Variants in UBQLN1 observed in about 807,000 individuals in gnomAD.
The protein encoded by UBQLN1 is ubiquilin-1.
Under a neutral mutation model 65.4 loss-of-function variants are expected in UBQLN1, and 13 were observed. The observed-to-expected ratio is 0.20, with a 90% CI of 0.13 to 0.32. UBQLN1 has a LOEUF of 0.32. Ranked by LOEUF, UBQLN1 falls within the 10% of genes least tolerant of loss-of-function variation. UBQLN1 has a pLI of 1.00. For missense variants in UBQLN1, 561 were observed against 724.0 expected, an observed-to-expected ratio of 0.77 and a Z score of 2.58; for synonymous variants, 267 against 247.8, an observed-to-expected ratio of 1.08 and a Z score of -0.73.
At chr9:83,667,567 A>T (rs1399218052) in intron 7 of UBQLN1, 2 of 985,316 alleles carry the variant, frequency 2.0e-6, no homozygotes, top group African/African-American at 3.5e-5. Context: ...AAGTAAACTC[A>T]TACAGGCTTA....
intron 1 of UBQLN1, among the ~76,000 whole-genome samples, chr9:83,700,536 G>A (rs1832293436): frequency 6.6e-6 from 1 of 152,142 alleles, no homozygotes; most frequent in South Asian, 2.1e-4. Flanking sequence ...TAGTTGTGAT[G>A]AATTCTTATC....
rs1831790062 is a variant in UBQLN1, at chr9:83,674,241, G to A, written c.1105+3486C>T. Among the ~76,000 whole-genome samples the A allele has an allele frequency of 2.0e-5, 3 of 146,542 alleles. No individual in the cohort carries two copies. In the South Asian group the frequency reaches 6.3e-4, roughly 31 times the overall value. On this transcript the variant is annotated intron_variant, in intron 6 of 10. Coordinates refer to ENST00000376395, the MANE Select transcript of UBQLN1 (RefSeq NM_013438.5). ...TCATGCCAGAACAAGAAAAAAGGAA[G>A]AAGGAGAGTTACAAATGTCAGGTTT...
chr9:83,707,483 G>T lies in UBQLN1; in HGVS notation c.180+17C>A. 6.3e-7 allele frequency: 1 copy of T among 1,599,628 alleles called. No homozygotes were observed. The highest frequency in any genetic ancestry group is 1.4e-5 in the African/African-American group (1 of 73,290). On this transcript the variant is annotated intron_variant, in intron 1 of 10. Coordinates refer to ENST00000376395, the MANE Select transcript of UBQLN1 (RefSeq NM_013438.5). ...TGCCGCCACCCCCATCCCGGCCCGA[G>T]CCCCAGGCGGCCTCACCTGCTGGAC...
intron 3 of UBQLN1, 130 bp from the exon 4 acceptor site, chr9:83,680,167 A>G: frequency 2.9e-6 from 3 of 1,017,176 alleles, no homozygotes; most frequent in Non-Finnish European, 4.1e-6. Flanking sequence ...ATTTAAAAAC[A>G]AATCGAATAC....
In UBQLN1 at chr9:83,682,701, TAGTC is replaced by T. The variant is rs1298989730; in HGVS notation, c.448+246_448+249del. ...ATCTTACTCATACTAAATTATGTGGTAGTCAGATCAGGTATACACAAACTACATC... is the reference window on the plus strand; with the variant it reads ...ATCTTACTCATACTAAATTATGTGGTAGATCAGGTATACACAAACTACATC... On this transcript the variant is annotated intron_variant, in intron 3 of 10. Coordinates refer to ENST00000376395, the MANE Select transcript of UBQLN1 (RefSeq NM_013438.5). 8.5e-5 allele frequency among the ~76,000 whole-genome samples: 13 copies of T among 152,260 alleles called. No individual in the cohort carries two copies. The East Asian group carries it at 2.3e-3, about 27-fold the overall frequency.
intron 1 of UBQLN1, among the ~76,000 whole-genome samples, chr9:83,695,911 T>C (rs1400988391): frequency 6.6e-6 from 1 of 152,210 alleles, no homozygotes; most frequent in Non-Finnish European, 1.5e-5. Context: ...CTCAATTTAA[T>C]GGTATTTGTA....
intron 1 of UBQLN1, among the ~76,000 whole-genome samples, chr9:83,692,577 G>C (rs1257045639): frequency 6.6e-6 from 1 of 152,188 alleles, no homozygotes; most frequent in Non-Finnish European, 1.5e-5. Flanking sequence ...TTTCGGCCAG[G>C]CGCAGTGGCT....
At position 83,676,571 on chromosome 9, in the gene UBQLN1, T is replaced by A. The variant is rs543147865; in HGVS notation, c.1105+1156A>T. ...GATTTAAAAATGGTATTACTTCAGG[T>A]TTTACAAAACCTATATTATAAACAT... On this transcript the variant is annotated intron_variant, in intron 6 of 10. Coordinates refer to ENST00000376395, the MANE Select transcript of UBQLN1 (RefSeq NM_013438.5). Among the ~76,000 whole-genome samples the A allele has an allele frequency of 1.3e-4, 20 of 152,282 alleles. No homozygotes were observed. The South Asian group carries it at 4.1e-3, about 32-fold the overall frequency.
intron 1 of UBQLN1, among the ~76,000 whole-genome samples, chr9:83,704,382 G>A (rs1034591561): frequency 6.6e-6 from 1 of 152,052 alleles, no homozygotes; most frequent in Non-Finnish European, 1.5e-5. Context: ...CATATACAAA[G>A]CCCAACTTGT....
At chr9:83,667,888 A>T in intron 7 of UBQLN1, 1 of 976,306 alleles carries the variant, frequency 1.0e-6, no homozygotes. Context: ...AATAAAAGAC[A>T]TGCCAATCTA....
intron 7 of UBQLN1, chr9:83,668,868 ATTAAGTAGTTTATCT>A: frequency 4.2e-6 from 1 of 240,526 alleles, no homozygotes; most frequent in Non-Finnish European, 7.3e-6. Flanking sequence ...TTTACATTTC[ATTAAGTAGTTTATCT>A]TCAAAAGAGT....
intron 7 of UBQLN1, chr9:83,668,455 T>A (rs922594123): frequency 1.0e-6 from 1 of 985,234 alleles, no homozygotes; most frequent in East Asian, 1.1e-4. Context: ...TTTCAAGCCC[T>A]GTGGTATGGA....
chr9:83,667,933 AGTAT>A (rs751676483), intron 7 of UBQLN1: 61 of 984,090 alleles, frequency 6.2e-5, no homozygotes, highest in Non-Finnish European at 7.0e-5. Flanking sequence ...GTAAAAAAAT[AGTAT>A]GTGAGTGCTC....
Position 83,697,644 on chromosome 9 carries a change from C to T in UBQLN1, c.180+9856G>A, listed in dbSNP as rs576092411. 2.6e-5 allele frequency among the ~76,000 whole-genome samples: 4 copies of T among 151,212 alleles called. No homozygotes were observed. In the East Asian group the frequency reaches 5.8e-4, roughly 22 times the overall value. ...GATCTCAGCTCACTGCAACCTCTGCCTCGCAGATTCAAGAGATTCTTCCAC... is the reference window on the plus strand; with the variant it reads ...GATCTCAGCTCACTGCAACCTCTGCTTCGCAGATTCAAGAGATTCTTCCAC... On this transcript the variant is annotated intron_variant, in intron 1 of 10. Transcript: ENST00000376395.
chr9:83,696,190 C>A (rs1425628123), intron 1 of UBQLN1, among the ~76,000 whole-genome samples: 2 of 152,162 alleles, frequency 1.3e-5, no homozygotes, highest in Non-Finnish European at 2.9e-5. Context: ...CGCCTGCCAT[C>A]ATGATTGTAT....
At chr9:83,669,839 A>G (rs371649581) in intron 6 of UBQLN1, among the ~76,000 whole-genome samples, 37 of 152,314 alleles carry the variant, frequency 2.4e-4, no homozygotes, top group African/African-American at 7.5e-4. Context: ...CACATTTAAC[A>G]TTTGAAACCA....
chr9:83,695,815 T>C (rs552080233), intron 1 of UBQLN1, among the ~76,000 whole-genome samples: 16 of 152,334 alleles, frequency 1.1e-4, no homozygotes, highest in East Asian at 1.9e-4. Context: ...CTATAATAAA[T>C]AGAATCTGTG....
chr9:83,691,643 A>G (rs111353216), intron 1 of UBQLN1, among the ~76,000 whole-genome samples: 2,025 of 152,316 alleles, frequency 0.013, 21 homozygotes, highest in Non-Finnish European at 0.021. Flanking sequence ...CACCACACAC[A>G]CATTTTCACA....
intron 1 of UBQLN1, among the ~76,000 whole-genome samples, chr9:83,706,396 A>G (rs1355986850): frequency 6.6e-6 from 1 of 152,202 alleles, no homozygotes; most frequent in Non-Finnish European, 1.5e-5. Context: ...GACAAAAACA[A>G]AAGTGATAAT....
Sources: gnomAD v4.1 joint callset for allele counts (sites outside exome capture counted in the v4.1 genomes callset) on GRCh38, gnomAD v4.1.1 for gene constraint, MANE v1.5 for transcripts, NCBI Gene and HGNC (gene_info 2026-07-23, HGNC 2026-07-21) for gene names.